The following SLC18A1 variants were observed in gnomAD, a reference collection of about 807,000 sequenced individuals.
SLC18A1 encodes chromaffin granule amine transporter.
SLC18A1 carries 69 observed loss-of-function variants against 53.7 expected under a neutral mutation model. The ratio of observed to expected loss-of-function variants is 1.28; its 90% CI spans 1.06 to 1.57. SLC18A1 has a LOEUF of 1.57. Ranked by LOEUF, SLC18A1 falls within the 40% of genes most tolerant of loss-of-function variation. SLC18A1 has a pLI of 0.00. For missense variants in SLC18A1, 932 were observed against 668.1 expected (o/e 1.40, Z -4.35); for synonymous variants, 320 against 248.1 (o/e 1.29, Z -2.72).
At chr8:20,151,547 C>G (rs188167319) in intron 10 of SLC18A1, among the ~76,000 whole-genome samples, 7 of 152,256 alleles carry the variant, frequency 4.6e-5, no homozygotes, top group Admixed American at 1.3e-4. Context: ...GTTTCCACAT[C>G]TGGAAAAAGC....
intron 2 of SLC18A1, among the ~76,000 whole-genome samples, chr8:20,179,866 C>T (rs1389799011): frequency 6.6e-6 from 1 of 152,108 alleles, no homozygotes; most frequent in Non-Finnish European, 1.5e-5. Flanking sequence ...ACTGAGCTAC[C>T]ACGACATTTC....
Position 20,147,341 on chromosome 8 carries a change from T to C in SLC18A1, c.1381A>G (p.Met461Val), listed in dbSNP as rs573496522. Residue 461 changes from methionine (M) to valine (V), a missense_variant, in exon 15 of 16, where the codon ATG becomes GTG. By Grantham distance (21) the Met-to-Val change is conservative. Transcript: ENST00000276373. ...IVKAIGFPWL[M>V]VITGVINIVY... ...ATGTTGATGACCCCAGTGATGACCA[T>C]GAGCCAGGGAAAACCGATGGCCTTT... 5 of 1,613,422 alleles carry C rather than the reference T, an allele frequency of 3.1e-6. No individual in the cohort carries two copies. The highest frequency in any genetic ancestry group is 4.2e-6 in the Non-Finnish European group (5 of 1,179,896).
chr8:20,178,188 C>G (rs1048516464), intron 4 of SLC18A1, among the ~76,000 whole-genome samples: 1 of 151,792 alleles, frequency 6.6e-6, no homozygotes, highest in South Asian at 2.1e-4. Flanking sequence ...CTCATTATGT[C>G]CAGCTGAAGT....
chr8:20,165,893 C>G (rs570502201), intron 8 of SLC18A1, among the ~76,000 whole-genome samples: 6 of 152,104 alleles, frequency 3.9e-5, no homozygotes, highest in Non-Finnish European at 8.8e-5. Flanking sequence ...ATGTCCTAAT[C>G]CTTCATGGTG....
chr8:20,151,147 G>GT (rs11345261), intron 10 of SLC18A1, among the ~76,000 whole-genome samples: 7,115 of 138,568 alleles, frequency 0.051, 639 homozygotes, highest in African/African-American at 0.18. Flanking sequence ...GTTTTTTTTT[G>GT]TTTTTTTTTT....
chr8:20,174,296 G>T, intron 5 of SLC18A1, 65 bp downstream of exon 5: 2 of 1,099,008 alleles, frequency 1.8e-6, no homozygotes, highest in Non-Finnish European at 2.8e-6. Flanking sequence ...AGGATCTGAG[G>T]TAGTAAGAGA....
intron 8 of SLC18A1, among the ~76,000 whole-genome samples, chr8:20,166,945 G>C (rs1441259342): frequency 6.6e-6 from 1 of 152,146 alleles, no homozygotes; most frequent in African/African-American, 2.4e-5. Flanking sequence ...CTGTCTGCAA[G>C]CCAGGAAGAG....
chr8:20,163,694 T>G (rs73210895), intron 10 of SLC18A1, among the ~76,000 whole-genome samples: 41,598 of 152,136 alleles, frequency 0.27, 6,975 homozygotes, highest in Non-Finnish European at 0.38. Flanking sequence ...AATTGCCTAC[T>G]GTCTCCCAGC....
Position 20,180,858 on chromosome 8 carries a change from A to G in SLC18A1, c.107T>C (p.Met36Thr), listed in dbSNP as rs2072407082. Residue 36 changes from methionine (M) to threonine (T), a missense_variant, in exon 2 of 16, where the codon ATG becomes ACG. Met to Thr is a moderately conservative substitution (Grantham distance 81). Coordinates refer to ENST00000276373, the MANE Select transcript of SLC18A1 (RefSeq NM_003053.4). Reference sequence around the variant, plus strand: ...AAACGTACCCACCACAGTAAACAGCATGTTGTCCAGGAGCAAAGCGACGAA... The same window carrying G: ...AAACGTACCCACCACAGTAAACAGCGTGTTGTCCAGGAGCAAAGCGACGAA... Reference protein sequence around the residue: ...VVFVALLLDNMLFTVVVPIVP... With the variant: ...VVFVALLLDNTLFTVVVPIVP... 2 of 1,613,918 alleles carry G rather than the reference A, an allele frequency of 1.2e-6. No homozygotes were observed. Among genetic ancestry groups the G allele is most frequent in the Non-Finnish European group, 1.7e-6 (2 of 1,179,956 alleles).
At chr8:20,150,325 T>C (rs1047407594) in intron 11 of SLC18A1, among the ~76,000 whole-genome samples, 1 of 152,198 alleles carries the variant, frequency 6.6e-6, no homozygotes, top group Non-Finnish European at 1.5e-5. Flanking sequence ...CAGAACATAA[T>C]TTGAAAACTA....
chr8:20,162,256 C>G (rs909538428), intron 10 of SLC18A1, among the ~76,000 whole-genome samples: 3 of 152,176 alleles, frequency 2.0e-5, no homozygotes, highest in African/African-American at 7.2e-5. Context: ...GGAAGCACAG[C>G]TTCGAAGGTC....
intron 15 of SLC18A1, among the ~76,000 whole-genome samples, chr8:20,146,435 C>T (rs1011699613): frequency 6.6e-6 from 1 of 152,138 alleles, no homozygotes; most frequent in African/African-American, 2.4e-5. Flanking sequence ...AGCAGGAAGC[C>T]AAATGGAATC....
Position 20,147,523 on chromosome 8 carries a change from G to A in SLC18A1, c.1330+80C>T, listed in dbSNP as rs547208675. On this transcript the variant is annotated intron_variant, in intron 14 of 15. Transcript: ENST00000276373. ...AGCGTCAAAGATCTCCAGAACCCTA[G>A]GAGGATAGCTTCCTGGCTGCACTTC... 27 of 1,598,802 alleles carry A rather than the reference G, an allele frequency of 1.7e-5. No individual in the cohort carries two copies. The South Asian group carries it at 2.5e-4, about 15-fold the overall frequency.
At chr8:20,152,761 T>A (rs1322824074) in intron 10 of SLC18A1, among the ~76,000 whole-genome samples, 2 of 152,114 alleles carry the variant, frequency 1.3e-5, no homozygotes, top group Non-Finnish European at 2.9e-5. Flanking sequence ...GGGACTCCTA[T>A]CTTTAGACAT....
At chr8:20,177,412 G>A (rs2128879720) in intron 4 of SLC18A1, among the ~76,000 whole-genome samples, 1 of 152,270 alleles carries the variant, frequency 6.6e-6, no homozygotes, top group Non-Finnish European at 1.5e-5. Context: ...TGAGAGGCAT[G>A]TTCTCACTCA....
intron 10 of SLC18A1, among the ~76,000 whole-genome samples, chr8:20,159,777 G>A (rs555785358): frequency 3.2e-4 from 48 of 151,952 alleles, no homozygotes; most frequent in African/African-American, 1.0e-3. Flanking sequence ...ATTTTGCATC[G>A]TGCCTGTCGC....
At chr8:20,172,352 C>T (rs987881019) in intron 6 of SLC18A1, among the ~76,000 whole-genome samples, 5 of 152,202 alleles carry the variant, frequency 3.3e-5, no homozygotes, top group Non-Finnish European at 7.3e-5. Flanking sequence ...GAGGGTGGGG[C>T]ATAGGCCGGG....
chr8:20,178,032 C>G (rs2072292472), intron 4 of SLC18A1, among the ~76,000 whole-genome samples: 1 of 151,650 alleles, frequency 6.6e-6, no homozygotes, highest in Non-Finnish European at 1.5e-5. Context: ...TGTGAGTTGC[C>G]CTTTTCCATG....
At chr8:20,151,867 T>C (rs2071564688) in intron 10 of SLC18A1, among the ~76,000 whole-genome samples, 3 of 152,192 alleles carry the variant, frequency 2.0e-5, no homozygotes, top group Non-Finnish European at 4.4e-5. Context: ...GGGCTGGGAA[T>C]ACAGCGGTGA....
Sources: allele counts gnomAD v4.1 joint callset (sites outside exome capture counted in the v4.1 genomes callset), GRCh38; gene constraint gnomAD v4.1.1; transcripts MANE v1.5; gene names NCBI Gene and HGNC (gene_info 2026-07-23, HGNC 2026-07-21).